Variants in NCAM1 observed in about 807,000 individuals in gnomAD.
NCAM1 encodes antigen recognized by monoclonal antibody 5.1H11.
A neutral mutation model predicts 109.8 loss-of-function variants in NCAM1; 14 were observed. That is an observed-to-expected ratio of 0.13 (90% confidence interval 0.08 to 0.20). The LOEUF (loss-of-function observed/expected upper bound fraction) is 0.20. NCAM1 is among the 10% of genes least tolerant of loss of function. The pLI, the probability that NCAM1 is intolerant of heterozygous loss-of-function variation, is 1.00. For synonymous variants in NCAM1, 418 were observed against 442.9 expected (o/e 0.94, Z 0.70); for missense variants, 774 against 1,109.9 (o/e 0.70, Z 4.30).
chr11:113,214,425 G>C lies in NCAM1; in HGVS notation c.973G>C (p.Val325Leu), dbSNP rs782124434. 1 of 1,613,844 alleles carries C rather than the reference G, an allele frequency of 6.2e-7. No individual in the cohort carries two copies. The highest frequency in any genetic ancestry group is 1.1e-5 in the South Asian group (1 of 91,032). ...GACTGCCATGGAATTAGAGGAGCAG[G>C]TCACTCTTACCTGTGAAGCCTCCGG... ...NQTAMELEEQ[V>L]TLTCEASGDP... The change falls in exon 8 of 20, where the codon GTC becomes CTC. Residue 325 changes from valine to leucine, a missense_variant. Coordinates refer to ENST00000316851, the MANE Select transcript of NCAM1 (RefSeq NM_181351.5).
At chr11:113,136,446 G>A (rs1311105282) in intron 1 of NCAM1, among the ~76,000 whole-genome samples, 3 of 152,306 alleles carry the variant, frequency 2.0e-5, no homozygotes, top group South Asian at 2.1e-4. Context: ...TGGTGCAGGA[G>A]CAAGGCCCCC....
At chr11:113,226,556 A>G (rs1408095179) in intron 9 of NCAM1, among the ~76,000 whole-genome samples, 1 of 152,212 alleles carries the variant, frequency 6.6e-6, no homozygotes, top group Non-Finnish European at 1.5e-5. Flanking sequence ...CTAGGAATTG[A>G]ACTCAGCCCT....
intron 9 of NCAM1, chr11:113,231,298 C>G: frequency 6.5e-7 from 1 of 1,535,126 alleles, no homozygotes; most frequent in East Asian, 2.4e-5. Context: ...GCTGCTGCTG[C>G]AATATCTGCT....
At chr11:113,212,034 C>T (rs1555113715) in intron 7 of NCAM1, among the ~76,000 whole-genome samples, 10 of 152,076 alleles carry the variant, frequency 6.6e-5, no homozygotes. Flanking sequence ...CAGAGAGATC[C>T]CTCTAGATGC....
chr11:113,217,774 T>G (rs1452440127), intron 8 of NCAM1, among the ~76,000 whole-genome samples: 1 of 152,218 alleles, frequency 6.6e-6, no homozygotes, highest in African/African-American at 2.4e-5. Context: ...AAAATTGCAT[T>G]TTGTTTGTTG....
chr11:113,184,044 G>A (rs983330642), intron 1 of NCAM1, among the ~76,000 whole-genome samples: 1 of 152,210 alleles, frequency 6.6e-6, no homozygotes, highest in Admixed American at 6.5e-5. Context: ...TTGTGCAGTG[G>A]CTATGAATTC....
chr11:113,148,110 C>T (rs139313449), intron 1 of NCAM1, among the ~76,000 whole-genome samples: 102 of 152,320 alleles, frequency 6.7e-4, no homozygotes, highest in African/African-American at 2.4e-3. Context: ...CCCCTCCTTT[C>T]ACTTTCCTTA....
chr11:113,013,316 C>G (rs150681235), intron 1 of NCAM1, among the ~76,000 whole-genome samples: 3 of 151,310 alleles, frequency 2.0e-5, no homozygotes, highest in Non-Finnish European at 4.4e-5. Context: ...ATCCCAGCTA[C>G]CCGGGAGGCT....
chr11:113,130,562 T>C (rs1941347672), intron 1 of NCAM1: 1 of 152,248 alleles, frequency 6.6e-6, no homozygotes, highest in South Asian at 2.1e-4. Context: ...ATACAAATAA[T>C]AGGCTGAATT....
Position 113,233,993 on chromosome 11 carries a change from C to A in NCAM1, c.1693+676C>A, listed in dbSNP as rs1299714246. ...AATCCTGGTCTCGTATGTGGTAATTCGAGTGGAATTGGAAGTAGGCTGGGA... is the reference window on the plus strand; with the variant it reads ...AATCCTGGTCTCGTATGTGGTAATTAGAGTGGAATTGGAAGTAGGCTGGGA... On this transcript the variant is annotated intron_variant, in intron 13 of 19. Transcript: ENST00000316851. This position sits in a 1 kb window ranked among gnomAD's most constrained non-coding sequence, Gnocchi z 4.5. Among the ~76,000 whole-genome samples, 1 of 151,932 alleles carries A rather than the reference C, an allele frequency of 6.6e-6. No homozygotes were observed. Among genetic ancestry groups the A allele is most frequent in the African/African-American group, 2.4e-5 (1 of 41,350 alleles).
chr11:113,210,399 A>G (rs1399508614), intron 7 of NCAM1, among the ~76,000 whole-genome samples: 1 of 152,146 alleles, frequency 6.6e-6, no homozygotes, highest in Non-Finnish European at 1.5e-5. Flanking sequence ...GTGGCTCCTA[A>G]GTCCCTTCTC....
Position 112,961,617 on chromosome 11 carries a change from T to C in NCAM1, c.5T>C (p.Leu2Pro). The change falls in exon 1 of 20, where the codon CTG becomes CCG. Residue 2 changes from leucine (L) to proline (P), a missense_variant. Leu to Pro is a moderately conservative substitution (Grantham distance 98). This residue lies in a region of NCAM1 where 112 missense variants were observed against 142.0 expected (regional missense o/e 0.79). Transcript: ENST00000316851. MLQTKDLIWTLF... is the reference protein window; with the variant it reads MPQTKDLIWTLF... ...CCTCCCAGCCAGCAGATTACAATGC[T>C]GCAAACTAAGGATCTCATCTGGACT... 1 of 1,494,390 alleles carries C rather than the reference T, an allele frequency of 6.7e-7. No individual in the cohort carries two copies. The highest frequency in any genetic ancestry group is 9.3e-7 in the Non-Finnish European group (1 of 1,074,140). The allele number at this position is 1,494,390 out of a possible 1,614,324, so 92.6% of individuals were successfully genotyped here.
intron 1 of NCAM1, among the ~76,000 whole-genome samples, chr11:113,014,477 C>A (rs1357640933): frequency 6.6e-6 from 1 of 152,144 alleles, no homozygotes; most frequent in South Asian, 2.1e-4. Flanking sequence ...CTGACACAAA[C>A]AAAACAGCCA....
chr11:113,162,471 G>T (rs1942633184), intron 1 of NCAM1, among the ~76,000 whole-genome samples: 1 of 152,142 alleles, frequency 6.6e-6, no homozygotes, highest in African/African-American at 2.4e-5. Context: ...GATTGTTTTT[G>T]CAGTGCTTGC....
chr11:113,236,174 A>T, intron 14 of NCAM1: 1 of 915,428 alleles, frequency 1.1e-6, no homozygotes, highest in Non-Finnish European at 1.7e-6. Context: ...AAGTAATTTG[A>T]TAATTTGAGT....
At chr11:113,158,585 A>G (rs555726140) in intron 1 of NCAM1, among the ~76,000 whole-genome samples, 1 of 152,274 alleles carries the variant, frequency 6.6e-6, no homozygotes, top group South Asian at 2.1e-4. Context: ...TGCTCCTGTA[A>G]TAAGCCAATC....
intron 1 of NCAM1, among the ~76,000 whole-genome samples, chr11:113,137,918 G>T (rs1030364781): frequency 6.6e-6 from 1 of 152,134 alleles, no homozygotes; most frequent in South Asian, 2.1e-4. Context: ...CGACAAGGGA[G>T]GGGCAAGACA....
At chr11:113,187,775 A>T (rs1943558470) in intron 1 of NCAM1, among the ~76,000 whole-genome samples, 1 of 152,106 alleles carries the variant, frequency 6.6e-6, no homozygotes, top group African/African-American at 2.4e-5. Flanking sequence ...GTTGTACCAG[A>T]GGGAGTTTGA....
At chr11:113,202,276 A>T in intron 1 of NCAM1, 103 bp from the exon 2 acceptor site, 1 of 1,158,660 alleles carries the variant, frequency 8.6e-7, no homozygotes, top group South Asian at 1.6e-5. Flanking sequence ...TTTTGAATGG[A>T]AGATCTGGGT....
Sources: allele counts gnomAD v4.1 joint callset (sites outside exome capture counted in the v4.1 genomes callset), GRCh38; gene constraint gnomAD v4.1.1; regional missense constraint gnomAD v4.1.1; non-coding constraint Gnocchi (gnomAD v3.1); transcripts MANE v1.5; gene names NCBI Gene and HGNC (gene_info 2026-07-23, HGNC 2026-07-21).